Variants in DMD observed in about 807,000 individuals in gnomAD.
DMD encodes dystrophin, also known as mutant dystrophin.
Under a neutral mutation model 330.1 loss-of-function variants are expected in DMD, and 63 were observed. The ratio of observed to expected loss-of-function variants is 0.19; its 90% CI spans 0.16 to 0.24. The LOEUF (loss-of-function observed/expected upper bound fraction) is 0.24. Among genes scored for constraint, DMD ranks in the 10% least tolerant of loss-of-function variants. The pLI is 1.00. For missense variants in DMD, 3,344 were observed against 2,684.1 expected, an observed-to-expected ratio of 1.25 and a Z score of -5.43; for synonymous variants, 1,223 against 959.8, an observed-to-expected ratio of 1.27 and a Z score of -5.07.
intron 7 of DMD, among the ~76,000 whole-genome samples, chrX:32,793,762 T>C (rs2075990710): frequency 3.6e-5 from 4 of 111,579 alleles, no homozygotes; most frequent in Non-Finnish European, 7.5e-5. Flanking sequence ...ATCAGTAATC[T>C]TAAAAAATTT....
intron 64 of DMD, 147 bp from the exon 65 acceptor site, chrX:31,209,846 T>C: frequency 3.5e-6 from 2 of 564,371 alleles, no homozygotes; most frequent in Non-Finnish European, 5.9e-6. Context: ...AAAGGTGTTT[T>C]ATTTTTATGC....
intron 60 of DMD, among the ~76,000 whole-genome samples, chrX:31,370,401 G>C (rs1390101324): frequency 8.9e-6 from 1 of 112,081 alleles, no homozygotes; most frequent in Non-Finnish European, 1.9e-5. Flanking sequence ...TTTCAATGAG[G>C]AGGATATACA....
chrX:31,705,804 T>C (rs1217549460), intron 52 of DMD, among the ~76,000 whole-genome samples: 1 of 111,559 alleles, frequency 9.0e-6, no homozygotes, highest in Admixed American at 9.5e-5. Context: ...ATGGAATAGA[T>C]GAAATAGGTG....
rs1189147779 is a variant in DMD at position 31,356,676 on chromosome X, ATGTT to A, written c.9085-8046_9085-8043del. Among the ~76,000 whole-genome samples the A allele has an allele frequency of 3.2e-4, 36 of 112,028 alleles. No individual in the cohort carries two copies. In the Admixed American group the frequency reaches 3.3e-3, roughly 10 times the overall value. On this transcript the variant is annotated intron_variant, in intron 60 of 78. Transcript: ENST00000357033. ...CACCGATTTCTAAAATGCACTTTGG[ATGTT>A]TGTTTATTGGTTTTCTTGCTTATGC... is the stretch of plus-strand genomic sequence containing the variant.
At chrX:33,157,555 T>C (rs1486381581) in intron 1 of DMD, among the ~76,000 whole-genome samples, 1 of 112,541 alleles carries the variant, frequency 8.9e-6, no homozygotes, top group East Asian at 2.8e-4. Flanking sequence ...CTCAATGAAC[T>C]GACTGCTGTC....
intron 44 of DMD, among the ~76,000 whole-genome samples, chrX:31,995,154 C>T (rs2095576570): frequency 9.0e-6 from 1 of 111,417 alleles, no homozygotes; most frequent in African/African-American, 3.3e-5. Flanking sequence ...TGTGCTTGAG[C>T]GCATAAGTTA....
intron 43 of DMD, among the ~76,000 whole-genome samples, chrX:32,281,854 T>C (rs1678815444): frequency 8.9e-6 from 1 of 111,860 alleles, no homozygotes; most frequent in African/African-American, 3.2e-5. Context: ...TGTAATAATA[T>C]AGAAATAAAT....
At chrX:32,471,621 T>C (rs776825436) in intron 22 of DMD, among the ~76,000 whole-genome samples, 3 of 112,122 alleles carry the variant, frequency 2.7e-5, no homozygotes, top group African/African-American at 9.7e-5. Context: ...AATATTTACA[T>C]TGTATTAGGC....
intron 41 of DMD, among the ~76,000 whole-genome samples, chrX:32,324,458 G>A (rs2097639989): frequency 9.0e-6 from 1 of 111,051 alleles, no homozygotes; most frequent in African/African-American, 3.3e-5. Flanking sequence ...CTGCGTTAAT[G>A]GTGATTTAGA....
chrX:33,310,296 A>C (rs2053830351), intron 1 of DMD, among the ~76,000 whole-genome samples: 1 of 111,369 alleles, frequency 9.0e-6, no homozygotes. Context: ...GAAGTGGCTT[A>C]AGTACAAAGG....
chrX:32,180,193 T>C (rs189781659), intron 44 of DMD, among the ~76,000 whole-genome samples: 8 of 111,915 alleles, frequency 7.1e-5, no homozygotes, highest in Admixed American at 6.6e-4. Context: ...GAAAAGATCC[T>C]AGACTTTCCA....
At chrX:31,407,270 T>C (rs112697489) in intron 60 of DMD, among the ~76,000 whole-genome samples, 1 of 110,606 alleles carries the variant, frequency 9.0e-6, no homozygotes, top group Admixed American at 9.6e-5. Context: ...GTTCAAGCAA[T>C]TCTCCTGCCT....
chrX:32,709,863 C>G (rs1172276059), intron 7 of DMD, among the ~76,000 whole-genome samples: 2 of 111,391 alleles, frequency 1.8e-5, no homozygotes, highest in Admixed American at 1.9e-4. Context: ...AAGGCAGGAA[C>G]TTCCTTTAGA....
chrX:32,992,921 A>C (rs897191696), intron 2 of DMD, among the ~76,000 whole-genome samples: 2 of 109,868 alleles, frequency 1.8e-5, no homozygotes, highest in Admixed American at 9.8e-5. Flanking sequence ...AAAAAAAAAA[A>C]AAAAAACTGT....
chrX:31,176,666 A>G (rs1368547902), intron 71 of DMD, among the ~76,000 whole-genome samples: 1 of 111,583 alleles, frequency 9.0e-6, no homozygotes, highest in East Asian at 2.8e-4. Context: ...TGTAACTTCT[A>G]TAACAGACTA....
intron 54 of DMD, among the ~76,000 whole-genome samples, chrX:31,651,102 G>A (rs1426767156): frequency 2.7e-5 from 3 of 112,298 alleles, no homozygotes; most frequent in Non-Finnish European, 5.6e-5. Flanking sequence ...TTGGGAAAGA[G>A]AGATCAAGAG....
chrX:31,858,523 G>A lies in DMD; in HGVS notation c.7098+16665C>T, dbSNP rs2093652069. On this transcript the variant is annotated intron_variant, in intron 48 of 78. Coordinates refer to ENST00000357033, the MANE Select transcript of DMD (RefSeq NM_004006.3). The stretch of plus-strand genomic sequence containing the variant: ...TAAATTGGTATGAGTTCTTGAGATG[G>A]AAACTGAAGAGTGAAATAGCTTTAT... Among the ~76,000 whole-genome samples the A allele has an allele frequency of 2.7e-5, 3 of 109,854 alleles. No homozygotes were observed. The South Asian group carries it at 1.2e-3, about 42-fold the overall frequency.
intron 71 of DMD, among the ~76,000 whole-genome samples, chrX:31,176,448 C>T (rs1174273763): frequency 9.0e-6 from 1 of 111,593 alleles, no homozygotes; most frequent in Non-Finnish European, 1.9e-5. Flanking sequence ...TTTTGCCTTT[C>T]AAGGACTATT....
At chrX:32,825,841 A>C (rs2078649706) in intron 4 of DMD, among the ~76,000 whole-genome samples, 1 of 111,661 alleles carries the variant, frequency 9.0e-6, no homozygotes. Context: ...AAAAAATGGA[A>C]GTTATTAAAG....
Sources: allele counts gnomAD v4.1 joint callset (sites outside exome capture counted in the v4.1 genomes callset), GRCh38; gene constraint gnomAD v4.1.1; transcripts MANE v1.5; gene names NCBI Gene and HGNC (gene_info 2026-07-23, HGNC 2026-07-21).